TOR1AIP1: variants seen among roughly 807,000 people sequenced by gnomAD.
TOR1AIP1 encodes the protein torsin 1A interacting protein 1.
In TOR1AIP1, 54 loss-of-function variants were observed where a neutral mutation model predicts 63.3. The observed-to-expected ratio is 0.85, with a 90% CI of 0.69 to 1.07. The LOEUF is 1.07. TOR1AIP1 is among the 50% of genes least tolerant of loss of function. The pLI, the probability that TOR1AIP1 is intolerant of heterozygous loss-of-function variation, is 0.00. For missense variants in TOR1AIP1, 736 were observed against 715.0 expected, an observed-to-expected ratio of 1.03 and a Z score of -0.33; for synonymous variants, 294 against 273.5, an observed-to-expected ratio of 1.07 and a Z score of -0.74.
chr1:179,889,104 A>G (rs529186199), intron 2 of TOR1AIP1, among the ~76,000 whole-genome samples: 13 of 152,328 alleles, frequency 8.5e-5, no homozygotes, highest in Admixed American at 5.9e-4. Context: ...CATCAAGACT[A>G]TAAATTTTAT....
intron 3 of TOR1AIP1, among the ~76,000 whole-genome samples, chr1:179,893,783 C>T (rs992093139): frequency 6.6e-5 from 10 of 152,096 alleles, no homozygotes; most frequent in African/African-American, 9.7e-5. Context: ...AGCAAGCTAC[C>T]GCTTCTGGGT....
chr1:179,911,250 A>G (rs1275976359), intron 8 of TOR1AIP1, among the ~76,000 whole-genome samples: 3 of 152,246 alleles, frequency 2.0e-5, no homozygotes, highest in Admixed American at 6.5e-5. Context: ...ACACTGTTAT[A>G]TAATAGATTC....
intron 7 of TOR1AIP1, 38 bp downstream of exon 7, chr1:179,907,902 A>G: frequency 9.0e-7 from 1 of 1,108,780 alleles, no homozygotes; most frequent in Non-Finnish European, 1.3e-6. Context: ...TCAGCCAATC[A>G]ATTCTTTTCT....
At chr1:179,907,685 C>A in intron 6 of TOR1AIP1, 138 bp from the exon 7 acceptor site, 1 of 336,026 alleles carries the variant, frequency 3.0e-6, no homozygotes, top group Non-Finnish European at 5.4e-6. Flanking sequence ...TATTTATATG[C>A]TTGGAATTGA....
chr1:179,916,811 C>T (rs907386805), intron 9 of TOR1AIP1, among the ~76,000 whole-genome samples: 1 of 136,740 alleles, frequency 7.3e-6, no homozygotes. Context: ...TCAAGTGATT[C>T]TCCTGCCTCA....
At chr1:179,907,398 CA>C (rs1291660606) in intron 6 of TOR1AIP1, among the ~76,000 whole-genome samples, 1 of 142,392 alleles carries the variant, frequency 7.0e-6, no homozygotes, top group Non-Finnish European at 1.5e-5. Flanking sequence ...CACTGCATTC[CA>C]GCCTGGGTGA....
chr1:179,892,263 G>C (rs954619946), intron 3 of TOR1AIP1, among the ~76,000 whole-genome samples: 15 of 152,184 alleles, frequency 9.9e-5, no homozygotes, highest in African/African-American at 3.6e-4. Flanking sequence ...CCTGAGGTCA[G>C]GAGTTCAAGA....
intron 8 of TOR1AIP1, among the ~76,000 whole-genome samples, chr1:179,909,711 C>T (rs1448195418): frequency 6.6e-6 from 1 of 152,132 alleles, no homozygotes; most frequent in African/African-American, 2.4e-5. Flanking sequence ...GCTGGGATTA[C>T]AGGCTTGAGC....
In TOR1AIP1 at chr1:179,882,690, C is replaced by CG. The variant is rs1193188647; in HGVS notation, c.189dup (p.Pro64AlafsTer46). 4 of 1,609,190 alleles carry CG rather than the reference C, an allele frequency of 2.5e-6. No individual in the cohort carries two copies. The highest frequency in any genetic ancestry group is 3.4e-6 in the Non-Finnish European group (4 of 1,177,274). On this transcript the variant is annotated frameshift_variant, in exon 1 of 10. Transcript: ENST00000606911. LOFTEE classifies it high-confidence loss of function. The stretch of plus-strand genomic sequence containing the variant: ...CGGGAAGTGAGGTTCTCGGACGAGC[C>CG]GCCAGAAGTGTACGGCGACTTCGAG...
chr1:179,908,074 A>G (rs1432212401), intron 7 of TOR1AIP1, among the ~76,000 whole-genome samples: 9 of 151,850 alleles, frequency 5.9e-5, no homozygotes, highest in Non-Finnish European at 1.2e-4. Flanking sequence ...ACGCCCGGCT[A>G]ATTTTTTGTA....
intron 7 of TOR1AIP1, 32 bp from the exon 8 acceptor site, chr1:179,908,573 A>C: frequency 6.3e-7 from 1 of 1,579,208 alleles, no homozygotes; most frequent in South Asian, 1.1e-5. Flanking sequence ...AAAGTATGGG[A>C]AATTATCTTT....
intron 3 of TOR1AIP1, among the ~76,000 whole-genome samples, chr1:179,897,508 C>T (rs925436128): frequency 1.3e-5 from 2 of 152,196 alleles, no homozygotes; most frequent in African/African-American, 2.4e-5. Context: ...AAAGGGATTA[C>T]TGTATTAGTC....
chr1:179,903,865 G>T (rs976281324), intron 5 of TOR1AIP1, 101 bp from the exon 6 acceptor site: 9 of 781,570 alleles, frequency 1.2e-5, no homozygotes, highest in Non-Finnish European at 1.6e-5. Context: ...GGAGTTACCC[G>T]AATATTTTTG....
At chr1:179,900,758 A>C (rs751327195) in intron 4 of TOR1AIP1, among the ~76,000 whole-genome samples, 1 of 152,190 alleles carries the variant, frequency 6.6e-6, no homozygotes, top group Non-Finnish European at 1.5e-5. Context: ...ATTTTCTATT[A>C]TGGTATTAAA....
chr1:179,919,906 A>C lies in TOR1AIP1; in HGVS notation c.*1667A>C, dbSNP rs1272255087. 3 of 152,234 alleles carry C rather than the reference A, an allele frequency of 2.0e-5. No individual in the cohort carries two copies. Among genetic ancestry groups the C allele is most frequent in the Non-Finnish European group, 2.9e-5 (2 of 68,042 alleles). 9.4% of individuals were successfully genotyped at this position (152,234 alleles called of 1,614,324 possible). On this transcript the variant is annotated 3_prime_UTR_variant, in exon 10 of 10. Transcript: ENST00000606911. ...GAAAAGGCTTATTTTATACATACGT[A>C]TTATATAGAGAAACAAATGTTTTTA...
At chr1:179,884,806 A>G (rs199614617) in intron 2 of TOR1AIP1, 37 bp downstream of exon 2, 1 of 1,483,154 alleles carries the variant, frequency 6.7e-7, no homozygotes, top group Non-Finnish European at 9.3e-7. Context: ...CTCCTTACCT[A>G]CCAACTTTTT....
chr1:179,882,916 T>C lies in TOR1AIP1; in HGVS notation c.414T>C (p.Pro138=). The change falls in exon 1 of 10, where the codon CCT becomes CCC. Residue 138 remains proline (P), a synonymous_variant. Coordinates refer to ENST00000606911, the MANE Select transcript of TOR1AIP1 (RefSeq NM_015602.4). ...TTCAGCAGCAGCACTCAGAGCAGCC[T>C]CCGCTACAGCCGTCTCCTGTTATGA... ...TRLQQQHSEQ[P]PLQPSPVMTR... is the part of the protein sequence containing the mutation. 2 of 1,614,040 alleles carry C rather than the reference T, an allele frequency of 1.2e-6. No homozygotes were observed. The highest frequency in any genetic ancestry group is 1.1e-5 in the South Asian group (1 of 91,080).
rs1254298910 is a variant in TOR1AIP1 at position 179,917,450 on chromosome 1, A to G, written c.965-2A>G. 11 of 1,608,154 alleles carry G rather than the reference A, an allele frequency of 6.8e-6. No homozygotes were observed. Among genetic ancestry groups the G allele is most frequent in the Non-Finnish European group, 9.3e-6 (11 of 1,178,378 alleles). On this transcript the variant is annotated splice_acceptor_variant, in intron 9 of 9. Transcript: ENST00000606911. LOFTEE classifies it high-confidence loss of function. ...TCTGTCATTTCTTTTTTGTCTGAGT[A>G]GAAGTGACTGGACAACCCCAAAATG...
At chr1:179,887,324 G>A (rs1647938980) in intron 2 of TOR1AIP1, among the ~76,000 whole-genome samples, 1 of 152,236 alleles carries the variant, frequency 6.6e-6, no homozygotes, top group East Asian at 1.9e-4. Flanking sequence ...GCTTGAACGC[G>A]GGAGGCGGAG....
Sources: gnomAD v4.1 joint callset for allele counts (sites outside exome capture counted in the v4.1 genomes callset) on GRCh38, gnomAD v4.1.1 for gene constraint, MANE v1.5 for transcripts, NCBI Gene and HGNC (gene_info 2026-07-23, HGNC 2026-07-21) for gene names.